Variants in PDE1A observed in about 807,000 individuals in gnomAD.
The protein encoded by PDE1A is dual specificity calcium/calmodulin-dependent 3',5'-cyclic nucleotide phosphodiesterase 1A.
Under a neutral mutation model 61.7 loss-of-function variants are expected in PDE1A, and 35 were observed. That is an observed-to-expected ratio of 0.57 (90% CI 0.43 to 0.75). The LOEUF (loss-of-function observed/expected upper bound fraction) is 0.75, where lower values mean the gene tolerates loss of function less well. Among genes scored for constraint, PDE1A ranks in the 30% least tolerant of loss-of-function variants. The pLI is 0.00. For synonymous variants in PDE1A, 232 were observed against 213.2 expected (o/e 1.09, Z -0.77); for missense variants, 597 against 630.6 (o/e 0.95, Z 0.57).
the PDE1A span, among the ~76,000 whole-genome samples, chr2:182,688,435 A>G: frequency 6.6e-6 from 1 of 152,352 alleles, no homozygotes; most frequent in Admixed American, 6.5e-5. Context: ...ACTAAGCTTC[A>G]TAAGTGAAGG....
chr2:182,482,366 A>T (rs1687756158), intron 2 of PDE1A, among the ~76,000 whole-genome samples: 1 of 151,976 alleles, frequency 6.6e-6, no homozygotes, highest in Non-Finnish European at 1.5e-5. Flanking sequence ...AAGTATAAGA[A>T]AAAATATGAT....
intron 1 of PDE1A, among the ~76,000 whole-genome samples, chr2:182,394,730 C>A (rs1454828444): frequency 6.6e-6 from 1 of 152,190 alleles, no homozygotes; most frequent in East Asian, 1.9e-4. Flanking sequence ...TTCCCCAGAG[C>A]CAGAATGCAT....
rs780413260 is a variant in PDE1A, at chr2:182,186,460, T to C, written c.1328+8A>G. The C allele has an allele frequency of 1.9e-6, 3 of 1,608,744 alleles. No individual in the cohort carries two copies. The highest frequency in any genetic ancestry group is 2.5e-6 in the Non-Finnish European group (3 of 1,178,796). On this transcript the variant is annotated splice_region_variant and intron_variant, in intron 12 of 13. Transcript: ENST00000351439. ...ATGAAAAATAATGCAAAAAAGAAAA[T>C]ATCATACCTGCTTGCCACATAGGAA...
chr2:182,367,033 T>G (rs906411764), intron 1 of PDE1A, among the ~76,000 whole-genome samples: 2 of 152,088 alleles, frequency 1.3e-5, no homozygotes, highest in Non-Finnish European at 2.9e-5. Flanking sequence ...TTTCTTCAAA[T>G]TAACACTGAT....
intron 2 of PDE1A, among the ~76,000 whole-genome samples, chr2:182,250,860 T>G (rs1691347831): frequency 6.6e-6 from 1 of 152,068 alleles, no homozygotes; most frequent in African/African-American, 2.4e-5. Flanking sequence ...GAAGCAAAGG[T>G]GGAGGCAGTG....
the PDE1A span, among the ~76,000 whole-genome samples, chr2:182,612,633 G>A: frequency 3.3e-5 from 5 of 152,170 alleles, no homozygotes; most frequent in Admixed American, 6.5e-5. Flanking sequence ...AGGCAAGAAC[G>A]AAAATGGCTT....
At chr2:182,143,447 C>T (rs983800262), downstream of PDE1A, among the ~76,000 whole-genome samples, 6 of 152,144 alleles carry the variant, frequency 3.9e-5, no homozygotes, top group African/African-American at 1.4e-4. Context: ...ATTCACATTG[C>T]ACTTTACATA....
At chr2:182,308,714 T>C (rs1433808235) in intron 1 of PDE1A, among the ~76,000 whole-genome samples, 31 of 152,088 alleles carry the variant, frequency 2.0e-4, no homozygotes, top group Non-Finnish European at 4.6e-4. Flanking sequence ...TTTTTACAGA[T>C]ACAATGTGAG....
At chr2:182,212,896 G>C (rs6726324) in intron 7 of PDE1A, among the ~76,000 whole-genome samples, 4,665 of 151,936 alleles carry the variant, frequency 0.031, 241 homozygotes, top group African/African-American at 0.11. Context: ...CGGGAAGCTC[G>C]AACTGGGTGG....
At chr2:182,604,383 T>C in the PDE1A span, among the ~76,000 whole-genome samples, 8 of 152,184 alleles carry the variant, frequency 5.3e-5, no homozygotes, top group African/African-American at 1.9e-4. Context: ...TTCTTGAACA[T>C]TGCTTAGAAT....
intron 1 of PDE1A, among the ~76,000 whole-genome samples, chr2:182,291,921 C>T (rs373909606): frequency 3.3e-5 from 5 of 151,984 alleles, no homozygotes; most frequent in Non-Finnish European, 4.4e-5. Flanking sequence ...TTGTGTTTCC[C>T]CTCCCCTAAA....
the PDE1A span, among the ~76,000 whole-genome samples, chr2:182,632,689 G>A: frequency 6.6e-6 from 1 of 152,086 alleles, no homozygotes; most frequent in African/African-American, 2.4e-5. Flanking sequence ...ATAAATGAAA[G>A]CAAATAGACT....
intron 1 of PDE1A, among the ~76,000 whole-genome samples, chr2:182,299,799 A>G (rs1340557926): frequency 6.6e-6 from 1 of 152,162 alleles, no homozygotes. Context: ...GTTCTTGATT[A>G]TACACCAAGA....
At chr2:182,317,850 G>C (rs1349447064) in intron 1 of PDE1A, among the ~76,000 whole-genome samples, 1 of 152,030 alleles carries the variant, frequency 6.6e-6, no homozygotes, top group Non-Finnish European at 1.5e-5. Flanking sequence ...GAAGGAGAAG[G>C]GAATAGGTAG....
chr2:182,596,454 G>C, the PDE1A span, among the ~76,000 whole-genome samples: 1 of 152,216 alleles, frequency 6.6e-6, no homozygotes, highest in Admixed American at 6.5e-5. Context: ...CAGCCACATC[G>C]CAAGGGGAGA....
chr2:182,632,796 TAA>T, the PDE1A span, among the ~76,000 whole-genome samples: 14 of 152,174 alleles, frequency 9.2e-5, no homozygotes, highest in Non-Finnish European at 1.9e-4. Context: ...CAATTTTAAA[TAA>T]AAGTTTCAAG....
At chr2:182,447,118 TACAC>T (rs143408471) in intron 2 of PDE1A, among the ~76,000 whole-genome samples, 65 of 149,400 alleles carry the variant, frequency 4.4e-4, no homozygotes, top group East Asian at 4.0e-4. Context: ...TTTTTTCACT[TACAC>T]ACACACACAC....
chr2:182,613,858 CT>C, the PDE1A span, among the ~76,000 whole-genome samples: 1 of 152,170 alleles, frequency 6.6e-6, no homozygotes, highest in Non-Finnish European at 1.5e-5. Flanking sequence ...TACTCAACAT[CT>C]TTTCAATACA....
intron 8 of PDE1A, among the ~76,000 whole-genome samples, chr2:182,203,617 T>C (rs960974064): frequency 2.0e-5 from 3 of 152,202 alleles, no homozygotes; most frequent in African/African-American, 7.2e-5. Context: ...TATATTGTGC[T>C]TTGCATATAA....
Sources: allele counts gnomAD v4.1 joint callset (sites outside exome capture counted in the v4.1 genomes callset), GRCh38; gene constraint gnomAD v4.1.1; transcripts MANE v1.5; gene names NCBI Gene and HGNC (gene_info 2026-07-23, HGNC 2026-07-21).